The following SMOC2 variants were observed in gnomAD, a reference collection of about 807,000 sequenced individuals.
The protein encoded by SMOC2 is SPARC-related modular calcium-binding protein 2.
SMOC2 carries 39 observed loss-of-function variants against 61.4 expected under a neutral mutation model. That is an observed-to-expected ratio of 0.64 (90% CI 0.49 to 0.83). The LOEUF (loss-of-function observed/expected upper bound fraction) is 0.83. Ranked by LOEUF, SMOC2 falls within the 40% of genes least tolerant of loss-of-function variation. The pLI is 0.00. For missense variants in SMOC2, 556 were observed against 592.9 expected, an observed-to-expected ratio of 0.94 and a Z score of 0.65; for synonymous variants, 247 against 239.9, an observed-to-expected ratio of 1.03 and a Z score of -0.27.
chr6:168,489,503 A>G (rs376387750), intron 1 of SMOC2, among the ~76,000 whole-genome samples: 49 of 143,428 alleles, frequency 3.4e-4, no homozygotes, highest in African/African-American at 1.0e-3. Context: ...GAAATATATC[A>G]AATCGTCTGG....
chr6:168,613,047 C>G (rs957928185), intron 9 of SMOC2, among the ~76,000 whole-genome samples: 7 of 152,190 alleles, frequency 4.6e-5, no homozygotes, highest in Non-Finnish European at 8.8e-5. Flanking sequence ...ATTCTCAGGA[C>G]CAATCGTATT....
intron 7 of SMOC2, among the ~76,000 whole-genome samples, chr6:168,582,579 C>G (rs1405165632): frequency 6.6e-6 from 1 of 152,108 alleles, no homozygotes; most frequent in African/African-American, 2.4e-5. Context: ...CAGCTGGAGG[C>G]CAGTTGTTGC....
chr6:168,516,435 A>G lies in SMOC2; in HGVS notation c.256+6349A>G, dbSNP rs114427915. On this transcript the variant is annotated intron_variant, in intron 2 of 12. Coordinates refer to ENST00000356284, the MANE Select transcript of SMOC2 (RefSeq NM_001166412.2). ...TGGAACTATTTTGAGATTTCTGGAAACAGATATTGGACAAAAGCAGCTTCC... is the reference window on the plus strand; with the variant it reads ...TGGAACTATTTTGAGATTTCTGGAAGCAGATATTGGACAAAAGCAGCTTCC... Among the ~76,000 whole-genome samples, 854 of 152,104 alleles carry G rather than the reference A, an allele frequency of 5.6e-3. 12 individuals carry two copies. Among genetic ancestry groups the G allele is most frequent in the African/African-American group, 0.019 (802 of 41,486 alleles).
intron 1 of SMOC2, among the ~76,000 whole-genome samples, chr6:168,500,706 C>T (rs532668415): frequency 6.6e-6 from 1 of 152,172 alleles, no homozygotes; most frequent in Non-Finnish European, 1.5e-5. Context: ...TTCTCTACCC[C>T]CCGAGGAGGT....
intron 1 of SMOC2, among the ~76,000 whole-genome samples, chr6:168,442,707 T>C (rs1781243704): frequency 6.6e-6 from 1 of 152,084 alleles, no homozygotes; most frequent in Admixed American, 6.5e-5. Context: ...TGGGCATCTT[T>C]TCTTTTTCTT....
At chr6:168,600,176 C>A (rs942077508) in intron 8 of SMOC2, among the ~76,000 whole-genome samples, 28 of 152,006 alleles carry the variant, frequency 1.8e-4, no homozygotes, top group Admixed American at 5.2e-4. Context: ...GAGGCCGAGG[C>A]GGGTGGATCA....
chr6:168,471,466 CCTTTAG>C (rs1389718137), intron 1 of SMOC2, among the ~76,000 whole-genome samples: 16 of 152,318 alleles, frequency 1.1e-4, no homozygotes, highest in Admixed American at 1.0e-3. Context: ...GCATACACCA[CCTTTAG>C]CTTATGCCTT....
intron 1 of SMOC2, among the ~76,000 whole-genome samples, chr6:168,504,642 T>G (rs1782818510): frequency 6.6e-6 from 1 of 151,936 alleles, no homozygotes; most frequent in African/African-American, 2.4e-5. Context: ...GCAGCAGATA[T>G]CCCCCCAGAT....
At chr6:168,501,861 G>A (rs1165036708) in intron 1 of SMOC2, among the ~76,000 whole-genome samples, 2 of 152,220 alleles carry the variant, frequency 1.3e-5, no homozygotes, top group Non-Finnish European at 2.9e-5. Context: ...TTGGTCCTGA[G>A]AGGGGCTGCC....
chr6:168,559,880 T>C (rs1034276294), intron 7 of SMOC2, among the ~76,000 whole-genome samples: 5 of 152,214 alleles, frequency 3.3e-5, no homozygotes, highest in African/African-American at 1.2e-4. Flanking sequence ...TAGTCACCCT[T>C]ATCAAGTGCT....
At chr6:168,581,757 C>T (rs778768619) in intron 7 of SMOC2, among the ~76,000 whole-genome samples, 7 of 152,200 alleles carry the variant, frequency 4.6e-5, no homozygotes, top group Non-Finnish European at 8.8e-5. Flanking sequence ...TGAAAAGCCG[C>T]AGACCTGCCT....
At chr6:168,513,304 A>C (rs1194077878) in intron 2 of SMOC2, among the ~76,000 whole-genome samples, 1 of 151,864 alleles carries the variant, frequency 6.6e-6, no homozygotes, top group East Asian at 1.9e-4. Flanking sequence ...AACGTACCTG[A>C]AGTTCTATAG....
intron 1 of SMOC2, among the ~76,000 whole-genome samples, chr6:168,484,366 A>G (rs1177618437): frequency 6.6e-6 from 1 of 152,214 alleles, no homozygotes; most frequent in Admixed American, 6.5e-5. Flanking sequence ...AGCATCATGG[A>G]AATGCACAGA....
intron 7 of SMOC2, among the ~76,000 whole-genome samples, chr6:168,582,011 G>T (rs1784931725): frequency 6.6e-6 from 1 of 152,158 alleles, no homozygotes; most frequent in South Asian, 2.1e-4. Flanking sequence ...TTGCTTCATG[G>T]AGTTCTTCCG....
intron 7 of SMOC2, among the ~76,000 whole-genome samples, chr6:168,549,487 T>G (rs965630910): frequency 6.6e-6 from 1 of 152,154 alleles, no homozygotes; most frequent in African/African-American, 2.4e-5. Context: ...AAAAGAAAAT[T>G]TATTAAAAAT....
chr6:168,653,019 T>C lies in SMOC2; in HGVS notation c.1076T>C (p.Leu359Pro), dbSNP rs1250532440. 1 of 1,613,950 alleles carries C rather than the reference T, an allele frequency of 6.2e-7. No homozygotes were observed. Among genetic ancestry groups the C allele is most frequent in the Non-Finnish European group, 8.5e-7 (1 of 1,180,022 alleles). The change falls in exon 11 of 13, where the codon CTG (leucine) becomes CCG (proline). Residue 359 changes from leucine (L) to proline (P), a missense_variant. Leu to Pro is a moderately conservative substitution (Grantham distance 98). Coordinates refer to ENST00000356284, the MANE Select transcript of SMOC2 (RefSeq NM_001166412.2). ...GTGGTGCACTGGTACTTCAAACTAC[T>C]GGATAAAAACTCCAGTGGAGACATC... is the stretch of plus-strand genomic sequence containing the variant. Reference protein sequence around the residue: ...ERVVHWYFKLLDKNSSGDIGK... With the variant: ...ERVVHWYFKLPDKNSSGDIGK...
At chr6:168,563,925 G>T (rs1274860436) in intron 7 of SMOC2, among the ~76,000 whole-genome samples, 1 of 152,118 alleles carries the variant, frequency 6.6e-6, no homozygotes, top group Non-Finnish European at 1.5e-5. Context: ...GGGGGCGGGG[G>T]CGGGTGCTCA....
intron 1 of SMOC2, among the ~76,000 whole-genome samples, chr6:168,462,544 A>T (rs1781739769): frequency 6.7e-6 from 1 of 148,916 alleles, no homozygotes; most frequent in Admixed American, 6.7e-5. Context: ...CATGACCAAG[A>T]CCTCGTCTCT....
intron 9 of SMOC2, among the ~76,000 whole-genome samples, chr6:168,638,499 G>T (rs7761541): frequency 0.96 from 145,877 of 152,224 alleles, 70,238 homozygotes; most frequent in East Asian, 1. Context: ...GGTTTTAGCC[G>T]CAGAGCTGCT....
Sources: gnomAD v4.1 joint callset for allele counts (sites outside exome capture counted in the v4.1 genomes callset) on GRCh38, gnomAD v4.1.1 for gene constraint, MANE v1.5 for transcripts, NCBI Gene and HGNC (gene_info 2026-07-23, HGNC 2026-07-21) for gene names.